SEM1: variants seen among roughly 807,000 people sequenced by gnomAD.
SEM1 encodes 26S proteasome complex subunit SEM1.
SEM1 carries 3 observed loss-of-function variants against 12.7 expected under a neutral mutation model. The observed-to-expected ratio is 0.24, with a 90% CI of 0.11 to 0.61. The LOEUF is 0.61. Among genes scored for constraint, SEM1 ranks in the 20% least tolerant of loss-of-function variants. The pLI is 0.88. For synonymous variants in SEM1, 30 were observed against 27.8 expected, an observed-to-expected ratio of 1.08 and a Z score of -0.25; for missense variants, 59 against 81.3, an observed-to-expected ratio of 0.73 and a Z score of 1.06.
intron 2 of SEM1, among the ~76,000 whole-genome samples, chr7:96,547,415 T>C (rs888862357): frequency 1.3e-5 from 2 of 152,166 alleles, no homozygotes; most frequent in Non-Finnish European, 2.9e-5. Context: ...TCCCATGCCA[T>C]TCATGGTCCA....
chr7:96,694,054 C>A (rs1387672891), intron 2 of SEM1, among the ~76,000 whole-genome samples: 2 of 151,744 alleles, frequency 1.3e-5, no homozygotes, highest in African/African-American at 2.4e-5. Context: ...CATGAATGAA[C>A]CTTGAAAACA....
intron 2 of SEM1, among the ~76,000 whole-genome samples, chr7:96,536,755 T>G (rs913543829): frequency 3.3e-5 from 5 of 151,842 alleles, no homozygotes; most frequent in Non-Finnish European, 7.4e-5. Context: ...TCTGATCAGT[T>G]AAATGTGGCA....
At chr7:96,655,734 T>A (rs1009249981) in intron 2 of SEM1, among the ~76,000 whole-genome samples, 5 of 152,184 alleles carry the variant, frequency 3.3e-5, no homozygotes, top group Non-Finnish European at 5.9e-5. Flanking sequence ...GGGTCCTGAT[T>A]TGATTTTTCT....
intron 1 of SEM1, chr7:96,697,281 T>C (rs1375465265): frequency 2.0e-5 from 3 of 152,050 alleles, no homozygotes; most frequent in African/African-American, 7.2e-5. Context: ...TTGTCCCAAA[T>C]TGGGCTTTCT....
chr7:96,610,752 A>T (rs1053276382), intron 2 of SEM1, among the ~76,000 whole-genome samples: 4 of 152,198 alleles, frequency 2.6e-5, no homozygotes, highest in Non-Finnish European at 5.9e-5. Context: ...TTTTGCATAA[A>T]ATACTGAGCC....
At chr7:96,490,191 A>G (rs1802949018) in intron 1 of SEM1, among the ~76,000 whole-genome samples, 1 of 152,208 alleles carries the variant, frequency 6.6e-6, no homozygotes, top group Non-Finnish European at 1.5e-5. Context: ...ATAACAGATG[A>G]AAAACACTCT....
upstream of SEM1, among the ~76,000 whole-genome samples, chr7:96,500,679 A>C (rs1038712301): frequency 3.3e-5 from 5 of 152,102 alleles, no homozygotes; most frequent in Non-Finnish European, 7.4e-5. Context: ...TGCTATTCTA[A>C]CTTATCTGTG....
At chr7:96,608,013 T>G (rs1237986192) in intron 2 of SEM1, among the ~76,000 whole-genome samples, 2 of 152,184 alleles carry the variant, frequency 1.3e-5, no homozygotes, top group Non-Finnish European at 2.9e-5. Flanking sequence ...TATAAAAGTA[T>G]TGATGAGCCA....
Position 96,646,915 on chromosome 7 carries a change from C to T in SEM1, c.171-24272G>A, listed in dbSNP as rs367570625. ...AAATCAATTGCCTAGGTCAATCCTC[C>T]AGCCTTCATTGGTTTTGAAGGAATG... On this transcript the variant is annotated intron_variant, in intron 2 of 2. Coordinates refer to the SEM1 transcript ENST00000417009. 9.2e-5 allele frequency among the ~76,000 whole-genome samples: 14 copies of T among 152,294 alleles called. No individual in the cohort carries two copies. The East Asian group carries it at 2.1e-3, about 23-fold the overall frequency.
At chr7:96,664,858 A>G (rs1348487572) in intron 2 of SEM1, among the ~76,000 whole-genome samples, 4 of 152,312 alleles carry the variant, frequency 2.6e-5, no homozygotes, top group Non-Finnish European at 4.4e-5. Flanking sequence ...GAAAAACCAT[A>G]CAATAGTGAA....
chr7:96,558,668 A>G (rs1276362797), intron 2 of SEM1, among the ~76,000 whole-genome samples: 1 of 152,212 alleles, frequency 6.6e-6, no homozygotes, highest in Non-Finnish European at 1.5e-5. Context: ...AAGAGGGTAG[A>G]AACATGAAAG....
chr7:96,581,944 C>T (rs1806425862), intron 2 of SEM1, among the ~76,000 whole-genome samples: 1 of 151,876 alleles, frequency 6.6e-6, no homozygotes, highest in Non-Finnish European at 1.5e-5. Flanking sequence ...TCCTCTTTTC[C>T]TCTTTGAATA....
Position 96,615,239 on chromosome 7 carries a change from ATCTTTTTTT to A in SEM1, c.170+79550_170+79558del, listed in dbSNP as rs1394178880. On this transcript the variant is annotated intron_variant and NMD_transcript_variant, in intron 2 of 3. Transcript: ENST00000466986. ...GGACTGTTGGGTTATTTTTTGAGTC[ATCTTTTTTT>A]TTTTTTTTTTTTTTTTTGGAGACAG... Among the ~76,000 whole-genome samples the A allele has an allele frequency of 1.3e-4, 13 of 98,180 alleles. 2 individuals are homozygous for A. The highest frequency in any genetic ancestry group is 3.7e-4 in the East Asian group (1 of 2,716). 64.4% of individuals were successfully genotyped at this position (98,180 alleles called of 152,430 possible).
chr7:96,699,537 C>T (rs1412414877), intron 1 of SEM1, among the ~76,000 whole-genome samples: 2 of 152,208 alleles, frequency 1.3e-5, no homozygotes, highest in Non-Finnish European at 2.9e-5. Context: ...GGCCACAAAC[C>T]ACCTGCATTT....
At position 96,657,202 on chromosome 7, in the gene SEM1, C is replaced by T. The variant is rs1809210594; in HGVS notation, c.171-34559G>A. ...TGTTAGATGATTTTTGAGATGCTAT[C>T]TGTAGACTTGAGACTATCTCAGGAT... On this transcript the variant is annotated intron_variant, in intron 2 of 2. Transcript: ENST00000417009. Among the ~76,000 whole-genome samples, 6 of 152,156 alleles carry T rather than the reference C, an allele frequency of 3.9e-5. No homozygotes were observed. The South Asian group carries it at 1.2e-3, about 32-fold the overall frequency.
At chr7:96,589,107 C>A (rs1257244058) in intron 2 of SEM1, among the ~76,000 whole-genome samples, 2 of 152,186 alleles carry the variant, frequency 1.3e-5, no homozygotes, top group Admixed American at 6.5e-5. Flanking sequence ...GGTGTGGGAA[C>A]CGCACTGCTT....
intron 2 of SEM1, among the ~76,000 whole-genome samples, chr7:96,544,719 T>C (rs540205132): frequency 1.2e-4 from 19 of 152,126 alleles, no homozygotes; most frequent in Non-Finnish European, 2.2e-4. Context: ...GATTAACACA[T>C]ATTTTATATA....
chr7:96,681,228 T>C (rs750093859), intron 2 of SEM1, among the ~76,000 whole-genome samples: 7 of 152,126 alleles, frequency 4.6e-5, no homozygotes, highest in Non-Finnish European at 1.0e-4. Context: ...ACAAGTAGTT[T>C]AGATTTTATG....
intron 2 of SEM1, among the ~76,000 whole-genome samples, chr7:96,518,545 T>C: frequency 6.6e-6 from 1 of 152,148 alleles, no homozygotes; most frequent in South Asian, 2.1e-4. Flanking sequence ...TATCTCTAAT[T>C]ACTGGAGTTG....
Sources: allele counts gnomAD v4.1 joint callset (sites outside exome capture counted in the v4.1 genomes callset), GRCh38; gene constraint gnomAD v4.1.1; transcripts MANE v1.5; gene names NCBI Gene and HGNC (gene_info 2026-07-23, HGNC 2026-07-21).